The following CTR9 variants were observed in gnomAD, a reference collection of about 807,000 sequenced individuals.
CTR9 encodes the protein CTR9 component of Paf1/RNA polymerase II complex.
In CTR9, 41 loss-of-function variants were observed where a neutral mutation model predicts 152.1. That is an observed-to-expected ratio of 0.27 (90% CI 0.21 to 0.35). The LOEUF is 0.35. CTR9 is among the 10% of genes least tolerant of loss of function. The pLI is 1.00. For synonymous variants in CTR9, 476 were observed against 496.2 expected (o/e 0.96, Z 0.54); for missense variants, 917 against 1,424.4 (o/e 0.64, Z 5.73).
chr11:10,779,622 C>T lies in CTR9; in HGVS notation c.*517C>T, dbSNP rs1341299309. 2 of 153,382 alleles carry T rather than the reference C, an allele frequency of 1.3e-5. No homozygotes were observed. Among genetic ancestry groups the T allele is most frequent in the Non-Finnish European group, 2.9e-5 (2 of 68,992 alleles). 9.5% of individuals were successfully genotyped at this position (153,382 alleles called of 1,614,324 possible). On this transcript the variant is annotated 3_prime_UTR_variant, in exon 25 of 25. Coordinates refer to ENST00000361367, the MANE Select transcript of CTR9 (RefSeq NM_014633.5). ...GGTTTTCAATAGTGTAATACTGCAG[C>T]GATGTAGATAAAATCACAAATGTAT... is the stretch of plus-strand genomic sequence containing the variant.
rs947997214 is a variant in CTR9, at chr11:10,778,922, C to G, written c.3339C>G (p.His1113Gln). Residue 1113 changes from histidine to glutamine, a missense_variant, in exon 25 of 25, where the codon CAC becomes CAG. By Grantham distance (24) the His-to-Gln change is conservative. Coordinates refer to ENST00000361367, the MANE Select transcript of CTR9 (RefSeq NM_014633.5). ...DNESVQSGRS[H>Q]SGVSENDSRP... ...AATCTGTGCAGTCAGGGAGAAGCCA[C>G]TCAGGAGTTTCTGAGAACGACTCTC... The G allele has an allele frequency of 3.1e-6, 5 of 1,614,098 alleles. No individual in the cohort carries two copies. In the African/African-American group the frequency reaches 5.3e-5, roughly 17 times the overall value.
chr11:10,764,874 G>T, intron 12 of CTR9, 143 bp downstream of exon 12: 1 of 708,320 alleles, frequency 1.4e-6, no homozygotes. Context: ...CAAATTTGTG[G>T]CCTTAAAACA....
chr11:10,778,846 A>C lies in CTR9; in HGVS notation c.3263A>C (p.Asp1088Ala), dbSNP rs1590030687. ...RQRSDQDSDSDQPSRKRRPSG... is the reference protein window; with the variant it reads ...RQRSDQDSDSAQPSRKRRPSG... ...CGGTCAGATCAGGACTCAGACAGTG[A>C]CCAGCCATCCAGAAAGAGAAGGCCC... The change falls in exon 25 of 25, where the codon GAC becomes GCC. Residue 1088 changes from aspartate to alanine, a missense_variant. This residue lies in a region of CTR9 where 384 missense variants were observed against 398.4 expected (regional missense o/e 0.96). Transcript: ENST00000361367. 6.2e-7 allele frequency: 1 copy of C among 1,614,222 alleles called. No homozygotes were observed. The highest frequency in any genetic ancestry group is 8.5e-7 in the Non-Finnish European group (1 of 1,180,046).
intron 1 of CTR9, among the ~76,000 whole-genome samples, chr11:10,752,114 T>C (rs554822454): frequency 2.6e-5 from 4 of 152,234 alleles, no homozygotes; most frequent in Admixed American, 2.0e-4. Flanking sequence ...GTTTGAGATA[T>C]AATATTGAGG....
At chr11:10,770,683 C>G (rs1463483211) in intron 18 of CTR9, 51 bp downstream of exon 18, 2 of 1,536,472 alleles carry the variant, frequency 1.3e-6, no homozygotes, top group Admixed American at 1.9e-5. Context: ...GGTCTATGAC[C>G]ATACCATCTT....
rs202022636 is a variant in CTR9 at position 10,773,549 on chromosome 11, T to TTTAA, written c.2727+276_2727+277insTTAA. Among the ~76,000 whole-genome samples, 1,143 of 152,268 alleles carry TTTAA rather than the reference T, an allele frequency of 7.5e-3. 16 individuals are homozygous for TTTAA. The highest frequency in any genetic ancestry group is 0.026 in the African/African-American group (1,091 of 41,550). Reference sequence around the variant, plus strand: ...GAGACTTTCGTCTCAATTAGAAGTCTAATTGGGCCTAGCCAAGAACCTCTT... The same window carrying TTTAA: ...GAGACTTTCGTCTCAATTAGAAGTCTTTAAAATTGGGCCTAGCCAAGAACCTCTT... On this transcript the variant is annotated intron_variant, in intron 21 of 24. Transcript: ENST00000361367.
Position 10,766,472 on chromosome 11 carries a change from A to G in CTR9, c.1668A>G (p.Glu556=). The change falls in exon 13 of 25, where the codon GAA becomes GAG. Residue 556 remains glutamate (E), a synonymous_variant. Transcript: ENST00000361367. ...ATGAGGCTTCAGATTGGTTTAAGGA[A>G]GCTCTTCAGATTAATCAGGTTGGTA... ...NFYEASDWFK[E]ALQINQDHPD... 6.2e-7 allele frequency: 1 copy of G among 1,606,146 alleles called. No individual in the cohort carries two copies. The highest frequency in any genetic ancestry group is 1.1e-5 in the South Asian group (1 of 88,868).
intron 19 of CTR9, among the ~76,000 whole-genome samples, chr11:10,771,952 A>G (rs1863149280): frequency 1.3e-5 from 2 of 152,168 alleles, no homozygotes; most frequent in African/African-American, 4.8e-5. Context: ...GGACATTTAT[A>G]GTTTGGAAAC....
At chr11:10,759,972 T>C (rs1250976136) in intron 5 of CTR9, among the ~76,000 whole-genome samples, 1 of 152,128 alleles carries the variant, frequency 6.6e-6, no homozygotes, top group African/African-American at 2.4e-5. Context: ...GTGTCAGTGA[T>C]AGAGGAGAGG....
chr11:10,776,079 A>T (rs1863229670), intron 24 of CTR9, among the ~76,000 whole-genome samples: 1 of 151,890 alleles, frequency 6.6e-6, no homozygotes, highest in African/African-American at 2.4e-5. Flanking sequence ...TTATTTATTT[A>T]TTTATTTATC....
At chr11:10,772,945 T>C (rs1322539856) in intron 20 of CTR9, among the ~76,000 whole-genome samples, 182 bp from the exon 21 acceptor site, 4 of 152,038 alleles carry the variant, frequency 2.6e-5, no homozygotes, top group African/African-American at 9.7e-5. Context: ...GAGAATCACT[T>C]GAACCTGGGA....
chr11:10,755,329 A>G (rs963552640), intron 3 of CTR9, 132 bp downstream of exon 3: 6 of 1,098,922 alleles, frequency 5.5e-6, no homozygotes, highest in Admixed American at 2.5e-5. Flanking sequence ...AAAAGAAGAA[A>G]GGTTCCTCAT....
intron 23 of CTR9, 59 bp from the exon 24 acceptor site, chr11:10,775,462 T>C: frequency 6.8e-7 from 1 of 1,477,786 alleles, no homozygotes; most frequent in South Asian, 1.2e-5. Flanking sequence ...CAAACCCAAT[T>C]TAACAAGATG....
chr11:10,779,646 A>G lies in CTR9; in HGVS notation c.*541A>G, dbSNP rs1863300428. 1 of 153,118 alleles carries G rather than the reference A, an allele frequency of 6.5e-6. No homozygotes were observed. The highest frequency in any genetic ancestry group is 2.0e-4 in the South Asian group (1 of 4,886). The allele number at this position is 153,118 out of a possible 1,614,324, so 9.5% of individuals were successfully genotyped here. On this transcript the variant is annotated 3_prime_UTR_variant, in exon 25 of 25. Transcript: ENST00000361367. ...GCGATGTAGATAAAATCACAAATGTATAATGTGTTAGGTTGAATAAGGTGT... is the reference window on the plus strand; with the variant it reads ...GCGATGTAGATAAAATCACAAATGTGTAATGTGTTAGGTTGAATAAGGTGT...
chr11:10,765,802 G>A (rs1863050516), intron 12 of CTR9, among the ~76,000 whole-genome samples: 1 of 152,158 alleles, frequency 6.6e-6, no homozygotes, highest in African/African-American at 2.4e-5. Flanking sequence ...TGCTGTTATG[G>A]ATGCAAAAGT....
rs577967357 is a variant in CTR9, at chr11:10,768,987, CTGAGGCGGA to C, written c.2109+499_2109+507del. Among the ~76,000 whole-genome samples, 1,147 of 152,194 alleles carry C rather than the reference CTGAGGCGGA, an allele frequency of 7.5e-3. 15 individuals are homozygous for C. Among genetic ancestry groups the C allele is most frequent in the African/African-American group, 0.026 (1,094 of 41,540 alleles). On this transcript the variant is annotated intron_variant, in intron 16 of 24. Coordinates refer to ENST00000361367, the MANE Select transcript of CTR9 (RefSeq NM_014633.5). The stretch of plus-strand genomic sequence containing the variant: ...CCAGCACTTTGGGAGGCTGAGGCGG[CTGAGGCGGA>C]TGGATCACGAGGTCAGGAGTTCGAG...
chr11:10,755,957 T>C (rs759136588), intron 4 of CTR9, among the ~76,000 whole-genome samples, 162 bp downstream of exon 4: 10 of 152,226 alleles, frequency 6.6e-5, no homozygotes, highest in Non-Finnish European at 1.2e-4. Flanking sequence ...GTTGAAATTG[T>C]AGAAATAAAA....
At chr11:10,766,519 A>G in intron 13 of CTR9, 29 bp downstream of exon 13, 1 of 1,455,356 alleles carries the variant, frequency 6.9e-7, no homozygotes, top group Non-Finnish European at 9.3e-7. Flanking sequence ...TAGGTTTGAG[A>G]AATAATTATT....
Position 10,754,567 on chromosome 11 carries a change from C to T in CTR9, c.145-391C>T, listed in dbSNP as rs140447161. Among the ~76,000 whole-genome samples, 42 of 152,302 alleles carry T rather than the reference C, an allele frequency of 2.8e-4. No individual in the cohort carries two copies. The East Asian group carries it at 7.9e-3, about 29-fold the overall frequency. On this transcript the variant is annotated intron_variant, in intron 2 of 24. Transcript: ENST00000361367. ...CTGAAAGTGTCCTCTGTACCACTCC[C>T]CACAAGTCCCCCACCCCACCCCTAA...
Sources: gnomAD v4.1 joint callset for allele counts (sites outside exome capture counted in the v4.1 genomes callset) on GRCh38, gnomAD v4.1.1 for gene constraint, gnomAD v4.1.1 regional missense constraint, MANE v1.5 for transcripts, NCBI Gene and HGNC (gene_info 2026-07-23, HGNC 2026-07-21) for gene names.